Variants in SCARA5 observed in about 807,000 individuals in gnomAD.
SCARA5 encodes scavenger receptor class A member 5.
SCARA5 carries 45 observed loss-of-function variants against 46.3 expected under a neutral mutation model. The ratio of observed to expected loss-of-function variants is 0.97; its 90% CI spans 0.76 to 1.24. The LOEUF (loss-of-function observed/expected upper bound fraction) is 1.24, where lower values mean the gene tolerates loss of function less well. Among genes scored for constraint, SCARA5 ranks in the 50% most tolerant of loss-of-function variants. The pLI is 0.00. For synonymous variants in SCARA5, 333 were observed against 306.5 expected (o/e 1.09, Z -0.90); for missense variants, 680 against 689.0 (o/e 0.99, Z 0.15).
At chr8:27,898,635 C>G (rs2129727458) in intron 7 of SCARA5, among the ~76,000 whole-genome samples, 1 of 152,312 alleles carries the variant, frequency 6.6e-6, no homozygotes, top group East Asian at 1.9e-4. Context: ...CCTGAAATAG[C>G]TCTGGAGCAT....
intron 6 of SCARA5, among the ~76,000 whole-genome samples, chr8:27,905,591 G>A (rs1807244954): frequency 6.7e-6 from 1 of 150,094 alleles, no homozygotes; most frequent in Non-Finnish European, 1.5e-5. Flanking sequence ...GATCTGGCAG[G>A]GTGTGCTCCA....
rs374168118 is a variant in SCARA5 at position 27,966,363 on chromosome 8, G to T, written c.241+51C>A. On this transcript the variant is annotated intron_variant, in intron 3 of 8. Transcript: ENST00000354914. ...GTGGGAATGAAGAGTGGAAGCTCCA[G>T]GTCTTCCTTCCTCATCCCAAAAGAC... The T allele has an allele frequency of 1.7e-4, 267 of 1,538,868 alleles. 3 individuals carry two copies. In the African/African-American group the frequency reaches 3.3e-3, roughly 19 times the overall value.
At chr8:27,949,800 G>A (rs1185874248) in intron 3 of SCARA5, among the ~76,000 whole-genome samples, 3 of 152,232 alleles carry the variant, frequency 2.0e-5, no homozygotes, top group Non-Finnish European at 4.4e-5. Flanking sequence ...CCCGGGTGCA[G>A]AAGGGGCCAG....
At chr8:27,893,829 T>C (rs1807021962) in intron 7 of SCARA5, among the ~76,000 whole-genome samples, 1 of 152,224 alleles carries the variant, frequency 6.6e-6, no homozygotes, top group South Asian at 2.1e-4. Flanking sequence ...GAACAGCCTT[T>C]TCCTTCTTTC....
In SCARA5 at chr8:27,987,541, A is replaced by G; in HGVS notation, c.75T>C (p.Asp25=). 1.2e-6 allele frequency: 2 copies of G among 1,614,096 alleles called. No individual in the cohort carries two copies. The highest frequency in any genetic ancestry group is 1.7e-6 in the Non-Finnish European group (2 of 1,179,978). Residue 25 remains aspartate, a synonymous_variant, in exon 2 of 9, where the codon GAT becomes GAC. Coordinates refer to ENST00000354914, the MANE Select transcript of SCARA5 (RefSeq NM_173833.6). ...GGTTCAGCTTGGACAGGCTCCTGCC[A>G]TCAAAGGAATCCTCACAGATGGAGC... ...DTSSICEDSF[D]GRSLSKLNLC... is the part of the protein sequence containing the mutation.
At chr8:27,987,474 G>T (rs1476201538) in intron 2 of SCARA5, 30 bp downstream of exon 2, 3 of 1,516,924 alleles carry the variant, frequency 2.0e-6, no homozygotes, top group South Asian at 2.2e-5. Context: ...GCCAGATCTT[G>T]TGCCCCAAGT....
At chr8:27,912,035 C>T (rs1275099285) in intron 4 of SCARA5, among the ~76,000 whole-genome samples, 3 of 152,106 alleles carry the variant, frequency 2.0e-5, no homozygotes, top group African/African-American at 7.2e-5. Flanking sequence ...GAAGGGTCCT[C>T]CCACTGAGCT....
At chr8:27,923,319 G>A (rs562545700) in intron 3 of SCARA5, among the ~76,000 whole-genome samples, 68 of 152,174 alleles carry the variant, frequency 4.5e-4, no homozygotes, top group Non-Finnish European at 8.7e-4. Flanking sequence ...GCCTGTCTGG[G>A]TGTTCTCAGA....
intron 7 of SCARA5, 63 bp downstream of exon 7, chr8:27,904,715 G>T (rs753362034): frequency 3.5e-6 from 5 of 1,439,956 alleles, no homozygotes; most frequent in Non-Finnish European, 3.9e-6. Flanking sequence ...TTATGGGGCT[G>T]CTTGGGGGAC....
intron 4 of SCARA5, among the ~76,000 whole-genome samples, chr8:27,910,752 T>C (rs1807360331): frequency 6.6e-6 from 1 of 152,124 alleles, no homozygotes; most frequent in African/African-American, 2.4e-5. Flanking sequence ...TTGGTGAAAG[T>C]TGGGGAGGAA....
At chr8:27,940,394 G>C (rs1467782303) in intron 3 of SCARA5, among the ~76,000 whole-genome samples, 1 of 152,068 alleles carries the variant, frequency 6.6e-6, no homozygotes, top group African/African-American at 2.4e-5. Flanking sequence ...TAAGATCGTG[G>C]ACACTTTGAG....
chr8:27,923,266 GAGTTCGGGGCCCT>G (rs1357111088), intron 3 of SCARA5, among the ~76,000 whole-genome samples: 2 of 152,320 alleles, frequency 1.3e-5, no homozygotes, highest in East Asian at 3.9e-4. Flanking sequence ...CTGGCCTCCT[GAGTTCGGGGCCCT>G]TTCCCTTCTG....
intron 4 of SCARA5, among the ~76,000 whole-genome samples, chr8:27,919,812 G>A (rs1238946935): frequency 6.6e-6 from 1 of 150,970 alleles, no homozygotes; most frequent in Non-Finnish European, 1.5e-5. Context: ...AATAAAATAG[G>A]GAAAACATCA....
Position 27,921,712 on chromosome 8 carries a change from T to C in SCARA5, c.775A>G (p.Thr259Ala). 6.3e-7 allele frequency: 1 copy of C among 1,598,792 alleles called. No individual in the cohort carries two copies. Among genetic ancestry groups the C allele is most frequent in the Non-Finnish European group, 8.5e-7 (1 of 1,174,042 alleles). The change falls in exon 4 of 9, where the codon ACG (threonine) becomes GCG (alanine). Residue 259 changes from threonine (T) to alanine (A), a missense_variant. Physicochemically the swap from Thr to Ala is moderately conservative, Grantham distance 58 (BLOSUM62 0). Transcript: ENST00000354914. ...ACGTGCGCCAGGCGCAGGCGGCGCG[T>C]GTCCTCGCTGGCGTTGCTCACCAGC... ...RVLVSNASED[T>A]RRLRLAHVGM...
At chr8:27,988,609 T>C (rs1423202977) in intron 1 of SCARA5, among the ~76,000 whole-genome samples, 1 of 152,266 alleles carries the variant, frequency 6.6e-6, no homozygotes, top group East Asian at 1.9e-4. Context: ...TTTTCTATGA[T>C]GCATTTACAT....
At position 27,871,918 on chromosome 8, in the gene SCARA5, T is replaced by G; in HGVS notation, c.*16A>C. 1 of 1,613,854 alleles carries G rather than the reference T, an allele frequency of 6.2e-7. No individual in the cohort carries two copies. The highest frequency in any genetic ancestry group is 8.5e-7 in the Non-Finnish European group (1 of 1,180,032). ...GGTGCTCTGTGCAGGACCCCGAACT[T>G]GGGCTCTGCCCACTTTCAGTGTCTG... On this transcript the variant is annotated 3_prime_UTR_variant, in exon 9 of 9. Transcript: ENST00000354914.
intron 3 of SCARA5, among the ~76,000 whole-genome samples, chr8:27,958,267 C>A (rs1781856900): frequency 6.6e-6 from 1 of 152,210 alleles, no homozygotes; most frequent in African/African-American, 2.4e-5. Context: ...ATGGGAAACT[C>A]AGGGTGTCAA....
At chr8:27,914,370 A>G (rs529090604) in intron 4 of SCARA5, among the ~76,000 whole-genome samples, 33 of 152,326 alleles carry the variant, frequency 2.2e-4, no homozygotes, top group African/African-American at 7.2e-4. Flanking sequence ...AGAGCCCCCA[A>G]ATCTCAGAGC....
chr8:27,979,055 G>A (rs1039829795), intron 2 of SCARA5, among the ~76,000 whole-genome samples: 24 of 152,198 alleles, frequency 1.6e-4, no homozygotes, highest in Admixed American at 3.9e-4. Flanking sequence ...CCACACAGTC[G>A]AGCACAGGTG....
Sources: gnomAD v4.1 joint callset for allele counts (sites outside exome capture counted in the v4.1 genomes callset) on GRCh38, gnomAD v4.1.1 for gene constraint, MANE v1.5 for transcripts, NCBI Gene and HGNC (gene_info 2026-07-23, HGNC 2026-07-21) for gene names.